PCDH9: variants seen among roughly 807,000 people sequenced by gnomAD.
PCDH9 encodes protocadherin-9.
Under a neutral mutation model 70.6 loss-of-function variants are expected in PCDH9, and 24 were observed. The ratio of observed to expected loss-of-function variants is 0.34; its 90% CI spans 0.25 to 0.48. The LOEUF (loss-of-function observed/expected upper bound fraction) is 0.48. Among genes scored for constraint, PCDH9 ranks in the 20% least tolerant of loss-of-function variants. The pLI is 0.99. For missense variants in PCDH9, 1,281 were observed against 1,503.6 expected, an observed-to-expected ratio of 0.85 and a Z score of 2.45; for synonymous variants, 562 against 558.5, an observed-to-expected ratio of 1.01 and a Z score of -0.09.
chr13:66,323,836 A>G (rs537900309), intron 4 of PCDH9, among the ~76,000 whole-genome samples: 11 of 151,950 alleles, frequency 7.2e-5, no homozygotes, highest in African/African-American at 9.7e-5. Context: ...AGCTCTGAGG[A>G]AACACATACA....
At chr13:66,730,196 ATCTT>A (rs1015416186) in intron 3 of PCDH9, among the ~76,000 whole-genome samples, 12 of 152,104 alleles carry the variant, frequency 7.9e-5, no homozygotes, top group Admixed American at 4.6e-4. Context: ...ATATCCTGGA[ATCTT>A]TCTTTTTCTT....
At chr13:66,631,906 T>G (rs1161012881) in intron 3 of PCDH9, among the ~76,000 whole-genome samples, 1 of 152,182 alleles carries the variant, frequency 6.6e-6, no homozygotes. Context: ...TTTGTTTGTT[T>G]GTTTGAGACA....
chr13:67,013,888 T>C (rs1303893415), intron 2 of PCDH9, among the ~76,000 whole-genome samples: 1 of 151,984 alleles, frequency 6.6e-6, no homozygotes, highest in Non-Finnish European at 1.5e-5. Flanking sequence ...ACCAGAACAA[T>C]TGTTATCATC....
intron 2 of PCDH9, among the ~76,000 whole-genome samples, chr13:67,053,422 C>T (rs915832171): frequency 8.6e-5 from 13 of 151,970 alleles, no homozygotes; most frequent in Admixed American, 4.6e-4. Flanking sequence ...AAGTATGGCA[C>T]GGTTGATGGG....
intron 4 of PCDH9, among the ~76,000 whole-genome samples, chr13:66,526,426 A>G (rs1960218762): frequency 6.6e-6 from 1 of 152,068 alleles, no homozygotes; most frequent in African/African-American, 2.4e-5. Flanking sequence ...AAAGTTCAGA[A>G]ATTTTGCTGA....
At chr13:66,445,521 A>T (rs1311560477) in intron 4 of PCDH9, among the ~76,000 whole-genome samples, 1 of 144,342 alleles carries the variant, frequency 6.9e-6, no homozygotes, top group African/African-American at 2.5e-5. Context: ...ACACATATAT[A>T]ATATATACAC....
At chr13:66,648,856 A>G (rs562190684) in intron 3 of PCDH9, among the ~76,000 whole-genome samples, 1 of 152,250 alleles carries the variant, frequency 6.6e-6, no homozygotes, top group African/African-American at 2.4e-5. Flanking sequence ...TCAGAATCCT[A>G]CCAGATATAT....
At chr13:66,943,961 T>C (rs902355620) in intron 2 of PCDH9, among the ~76,000 whole-genome samples, 5 of 152,060 alleles carry the variant, frequency 3.3e-5, no homozygotes, top group African/African-American at 9.7e-5. Flanking sequence ...CTCTTAAAAA[T>C]GTAGCAATTT....
At chr13:66,371,609 A>AT (rs1028114265) in intron 4 of PCDH9, among the ~76,000 whole-genome samples, 2 of 151,914 alleles carry the variant, frequency 1.3e-5, no homozygotes, top group Admixed American at 6.6e-5. Context: ...CTTAAAATTT[A>AT]TTTTTTTCTT....
intron 4 of PCDH9, among the ~76,000 whole-genome samples, chr13:66,474,564 A>G (rs749241478): frequency 5.9e-5 from 9 of 152,186 alleles, no homozygotes; most frequent in Non-Finnish European, 7.4e-5. Context: ...CATTTAAACT[A>G]TTATATGAAA....
At chr13:66,697,191 C>T (rs527257296) in intron 3 of PCDH9, among the ~76,000 whole-genome samples, 15 of 152,058 alleles carry the variant, frequency 9.9e-5, no homozygotes, top group Non-Finnish European at 1.8e-4. Context: ...AAGCTATGTG[C>T]TTGGAAATCA....
chr13:66,611,351 A>G (rs1458902299), intron 4 of PCDH9, among the ~76,000 whole-genome samples: 4 of 152,184 alleles, frequency 2.6e-5, no homozygotes, highest in African/African-American at 9.6e-5. Flanking sequence ...ATTAGAAGAA[A>G]TAAGTTTGTA....
At chr13:66,676,792 G>A (rs1344920472) in intron 3 of PCDH9, among the ~76,000 whole-genome samples, 1 of 152,080 alleles carries the variant, frequency 6.6e-6, no homozygotes, top group African/African-American at 2.4e-5. Context: ...TGTCATGCAT[G>A]TTTTAGAGTG....
At chr13:66,904,044 C>T (rs2082319338) in intron 2 of PCDH9, among the ~76,000 whole-genome samples, 2 of 151,846 alleles carry the variant, frequency 1.3e-5, no homozygotes, top group South Asian at 2.1e-4. Flanking sequence ...CCCAACAAAG[C>T]TGTGCTGTTG....
At chr13:67,111,951 T>G (rs181178553) in intron 2 of PCDH9, among the ~76,000 whole-genome samples, 1 of 152,344 alleles carries the variant, frequency 6.6e-6, no homozygotes, top group Non-Finnish European at 1.5e-5. Flanking sequence ...TAGATGTATT[T>G]TATGTATCCA....
At chr13:66,847,340 T>C (rs1270207664) in intron 3 of PCDH9, among the ~76,000 whole-genome samples, 1 of 152,228 alleles carries the variant, frequency 6.6e-6, no homozygotes. Context: ...TATTTGTATG[T>C]ATTTAAACTG....
At chr13:66,455,626 T>C (rs1236278150) in intron 4 of PCDH9, among the ~76,000 whole-genome samples, 1 of 152,112 alleles carries the variant, frequency 6.6e-6, no homozygotes, top group Non-Finnish European at 1.5e-5. Flanking sequence ...TTTAAATTGC[T>C]CAGTGGGTCT....
chr13:66,677,375 G>T (rs1317989161), intron 3 of PCDH9, among the ~76,000 whole-genome samples: 1 of 152,054 alleles, frequency 6.6e-6, no homozygotes, highest in African/African-American at 2.4e-5. Context: ...AAGTAAACTG[G>T]TTTAAAATGT....
intron 2 of PCDH9, among the ~76,000 whole-genome samples, chr13:66,932,681 T>TACACACAC (rs200773193): frequency 2.6e-5 from 3 of 114,820 alleles, no homozygotes; most frequent in African/African-American, 1.0e-4. Context: ...TATATATATA[T>TACACACAC]ACACACACAC....
Sources: gnomAD v4.1 joint callset for allele counts (sites outside exome capture counted in the v4.1 genomes callset) on GRCh38, gnomAD v4.1.1 for gene constraint, MANE v1.5 for transcripts, NCBI Gene and HGNC (gene_info 2026-07-23, HGNC 2026-07-21) for gene names.